Variants in MAP2 observed in about 807,000 individuals in gnomAD.
MAP2 encodes microtubule-associated protein 2.
Under a neutral mutation model 137.6 loss-of-function variants are expected in MAP2, and 14 were observed. The observed-to-expected ratio is 0.10, with a 90% CI of 0.07 to 0.16. The LOEUF (loss-of-function observed/expected upper bound fraction) is 0.16, where lower values mean the gene tolerates loss of function less well. Among genes scored for constraint, MAP2 ranks in the 10% least tolerant of loss-of-function variants. The pLI is 1.00. For missense variants in MAP2, 2,088 were observed against 2,191.5 expected, an observed-to-expected ratio of 0.95 and a Z score of 0.94; for synonymous variants, 786 against 782.3, an observed-to-expected ratio of 1.00 and a Z score of -0.08.
intron 4 of MAP2, among the ~76,000 whole-genome samples, chr2:209,650,568 A>T (rs1204806900): frequency 6.6e-6 from 1 of 152,218 alleles, no homozygotes; most frequent in Non-Finnish European, 1.5e-5. Context: ...CTAAGGAGAC[A>T]TGAGGACTAA....
At chr2:209,493,051 A>G (rs1399758085) in intron 1 of MAP2, among the ~76,000 whole-genome samples, 1 of 152,226 alleles carries the variant, frequency 6.6e-6, no homozygotes, top group East Asian at 1.9e-4. Flanking sequence ...TACATTAACC[A>G]AAATGTTATG....
chr2:209,554,678 A>G (rs1393469790), intron 2 of MAP2, among the ~76,000 whole-genome samples: 1 of 151,982 alleles, frequency 6.6e-6, no homozygotes, highest in Non-Finnish European at 1.5e-5. Context: ...AGAGCCTGGG[A>G]TGTTGAGGCT....
chr2:209,466,713 C>G (rs560902797), intron 1 of MAP2, among the ~76,000 whole-genome samples: 11 of 152,146 alleles, frequency 7.2e-5, no homozygotes, highest in South Asian at 2.1e-4. Context: ...CCATGAAAAC[C>G]CTTAAAGATA....
Position 209,693,912 on chromosome 2 carries a change from A to C in MAP2, c.1742A>C (p.Glu581Ala). ...KYFETSALKE[E>A]ATKSIEPGSD... Reference sequence around the variant, plus strand: ...TTTGAAACATCTGCCTTGAAAGAAGAAGCAACAAAAAGCATTGAGCCAGGC... The same window carrying C: ...TTTGAAACATCTGCCTTGAAAGAAGCAGCAACAAAAAGCATTGAGCCAGGC... Residue 581 changes from glutamate to alanine, a missense_variant, in exon 8 of 16, where the codon GAA becomes GCA. Physicochemically the swap from Glu to Ala is moderately radical, Grantham distance 107. Coordinates refer to ENST00000682079, the MANE Select transcript of MAP2 (RefSeq NM_001375505.1). 1.2e-6 allele frequency: 2 copies of C among 1,610,954 alleles called. No individual in the cohort carries two copies. Among genetic ancestry groups the C allele is most frequent in the Non-Finnish European group, 1.7e-6 (2 of 1,179,030 alleles).
chr2:209,496,949 TAA>T (rs34325206), intron 1 of MAP2, among the ~76,000 whole-genome samples: 3 of 150,032 alleles, frequency 2.0e-5, no homozygotes, highest in Admixed American at 6.6e-5. Context: ...CTGGCTAATT[TAA>T]AAAAAAAAAT....
chr2:209,623,171 G>A (rs2091601967), intron 3 of MAP2, among the ~76,000 whole-genome samples: 2 of 151,984 alleles, frequency 1.3e-5, no homozygotes, highest in African/African-American at 4.8e-5. Flanking sequence ...TTTGAGCTTT[G>A]CAGGCCATAT....
chr2:209,598,660 A>C (rs1325470424), intron 3 of MAP2, among the ~76,000 whole-genome samples: 1 of 145,860 alleles, frequency 6.9e-6, no homozygotes, highest in South Asian at 2.2e-4. Flanking sequence ...ATGTGACCTC[A>C]TTGTTCAATT....
intron 7 of MAP2, among the ~76,000 whole-genome samples, chr2:209,689,658 G>A (rs762120444): frequency 2.0e-5 from 3 of 152,008 alleles, no homozygotes; most frequent in East Asian, 1.9e-4. Context: ...TATTTTGGCC[G>A]TTTGATTGCC....
intron 12 of MAP2, among the ~76,000 whole-genome samples, chr2:209,709,093 T>C (rs984684032): frequency 1.3e-5 from 2 of 152,146 alleles, no homozygotes; most frequent in Non-Finnish European, 2.9e-5. Flanking sequence ...AATATGAGGC[T>C]GAGCTCAACT....
At position 209,674,621 on chromosome 2, in the gene MAP2, AGATGGATG is replaced by A. The variant is rs58681596; in HGVS notation, c.263-3918_263-3911del. Among the ~76,000 whole-genome samples, 1,224 of 150,706 alleles carry A rather than the reference AGATGGATG, an allele frequency of 8.1e-3. 17 individuals are homozygous for A. The highest frequency in any genetic ancestry group is 0.028 in the African/African-American group (1,137 of 40,822). ...TCAGTAATCCCCTAAATATATAGAT[AGATGGATG>A]GATGGATGGATGGATGGATGGATGG... On this transcript the variant is annotated intron_variant, in intron 5 of 15. Transcript: ENST00000682079.
At chr2:209,478,203 A>G (rs1216655871) in intron 1 of MAP2, among the ~76,000 whole-genome samples, 1 of 152,118 alleles carries the variant, frequency 6.6e-6, no homozygotes, top group African/African-American at 2.4e-5. Context: ...AATGACATCA[A>G]TTTTAGTGGT....
intron 3 of MAP2, among the ~76,000 whole-genome samples, chr2:209,610,687 C>T (rs879270939): frequency 2.0e-4 from 30 of 151,938 alleles, no homozygotes; most frequent in Non-Finnish European, 3.5e-4. Context: ...AGTTCTCCTA[C>T]GGAATAAGCA....
At chr2:209,711,044 A>T (rs1485950135) in intron 13 of MAP2, among the ~76,000 whole-genome samples, 1 of 152,178 alleles carries the variant, frequency 6.6e-6, no homozygotes, top group Non-Finnish European at 1.5e-5. Flanking sequence ...TTATCTCATA[A>T]TATTGATCTA....
At chr2:209,595,675 C>T (rs1476087380) in intron 3 of MAP2, among the ~76,000 whole-genome samples, 3 of 152,046 alleles carry the variant, frequency 2.0e-5, no homozygotes, top group African/African-American at 7.2e-5. Context: ...TTATTGCGGC[C>T]CTATTCACGA....
chr2:209,670,604 T>A (rs887497087), intron 5 of MAP2, among the ~76,000 whole-genome samples: 1 of 151,906 alleles, frequency 6.6e-6, no homozygotes, highest in Non-Finnish European at 1.5e-5. Flanking sequence ...CTCTAAAGAC[T>A]TCATTTGAGT....
chr2:209,581,179 A>G (rs1051691472), intron 3 of MAP2, among the ~76,000 whole-genome samples: 1 of 152,170 alleles, frequency 6.6e-6, no homozygotes, highest in African/African-American at 2.4e-5. Context: ...AATATCTGCA[A>G]TGTATAATCA....
Position 209,730,539 on chromosome 2 carries a change from T to G in MAP2, c.*142T>G, listed in dbSNP as rs544578669. The G allele has an allele frequency of 1.5e-6, 1 of 659,804 alleles. No homozygotes were observed. The highest frequency in any genetic ancestry group is 2.7e-5 in the East Asian group (1 of 36,456). The allele number at this position is 659,804 out of a possible 1,614,324, so 40.9% of individuals were successfully genotyped here. On this transcript the variant is annotated 3_prime_UTR_variant, in exon 16 of 16. Coordinates refer to ENST00000682079, the MANE Select transcript of MAP2 (RefSeq NM_001375505.1). ...CCAAACTGTAGTAATTGTTACAATT[T>G]TCTATTTAAAAAATGAATAGTACAT...
At chr2:209,470,480 A>T (rs142094483) in intron 1 of MAP2, among the ~76,000 whole-genome samples, 3,688 of 149,536 alleles carry the variant, frequency 0.025, 51 homozygotes, top group Non-Finnish European at 0.033. Context: ...CATATATATT[A>T]TATATATAAT....
At chr2:209,577,737 G>C (rs2075578971) in intron 2 of MAP2, among the ~76,000 whole-genome samples, 1 of 152,110 alleles carries the variant, frequency 6.6e-6, no homozygotes, top group South Asian at 2.1e-4. Flanking sequence ...CCAGTTTTAT[G>C]CTTGCAGAAA....
Sources: gnomAD v4.1 joint callset for allele counts (sites outside exome capture counted in the v4.1 genomes callset) on GRCh38, gnomAD v4.1.1 for gene constraint, MANE v1.5 for transcripts, NCBI Gene and HGNC (gene_info 2026-07-23, HGNC 2026-07-21) for gene names.